ATF6B: variants seen among roughly 807,000 people sequenced by gnomAD.
ATF6B encodes the protein activating transcription factor 6 beta.
A neutral mutation model predicts 83.5 loss-of-function variants in ATF6B; 50 were observed. The observed-to-expected ratio is 0.60, with a 90% CI of 0.48 to 0.76. The LOEUF (loss-of-function observed/expected upper bound fraction) is 0.76. ATF6B is among the 30% of genes least tolerant of loss of function. ATF6B has a pLI of 0.00. For synonymous variants in ATF6B, 344 were observed against 362.8 expected (o/e 0.95, Z 0.59); for missense variants, 790 against 893.8 (o/e 0.88, Z 1.48).
Position 32,126,168 on chromosome 6 carries a change from A to T in ATF6B, c.427T>A (p.Ser143Thr). 1 of 1,614,206 alleles carries T rather than the reference A, an allele frequency of 6.2e-7. No homozygotes were observed. The highest frequency in any genetic ancestry group is 2.2e-5 in the East Asian group (1 of 44,878). Residue 143 changes from serine to threonine, a missense_variant, in exon 5 of 18, where the codon TCA becomes ACA. Ser to Thr is a moderately conservative substitution (Grantham distance 58). This residue lies in a region of ATF6B where 253 missense variants were observed against 243.1 expected (regional missense o/e 1.04). Coordinates refer to ENST00000375203, the MANE Select transcript of ATF6B (RefSeq NM_004381.5). ...LCLLGDDPTS[S>T]FETVQINVIP... Reference sequence around the variant, plus strand: ...ACGTTGATCTGGACGGTTTCAAATGAGGATGTTGGGTCATCTCCCAGGAGA... The same window carrying T: ...ACGTTGATCTGGACGGTTTCAAATGTGGATGTTGGGTCATCTCCCAGGAGA...
chr6:32,117,225 C>A lies in ATF6B; in HGVS notation c.1614+98G>T. ...ACCCTCCACTTCCTTCAAACGATCCCTCAAACTTCCACAGCGAGATGCCCA... is the reference window on the plus strand; with the variant it reads ...ACCCTCCACTTCCTTCAAACGATCCATCAAACTTCCACAGCGAGATGCCCA... On this transcript the variant is annotated intron_variant, in intron 14 of 17. Transcript: ENST00000375203. This position sits in a 1 kb window ranked among gnomAD's most constrained non-coding sequence, Gnocchi z 5.0. The A allele has an allele frequency of 6.5e-7, 1 of 1,541,684 alleles. No individual in the cohort carries two copies.
chr6:32,121,045 G>T lies in ATF6B; in HGVS notation c.644C>A (p.Ala215Asp). The T allele has an allele frequency of 1.3e-6, 2 of 1,555,336 alleles. No homozygotes were observed. Among genetic ancestry groups the T allele is most frequent in the Non-Finnish European group, 1.7e-6 (2 of 1,154,158 alleles). The change falls in exon 7 of 18, where the codon GCC becomes GAC. Residue 215 changes from alanine to aspartate, a missense_variant. Coordinates refer to ENST00000375203, the MANE Select transcript of ATF6B (RefSeq NM_004381.5). The part of the protein sequence containing the change: ...PSGCLLWDVP[A>D]PSLGAVQISM... ...GATCTGGACAGCTCCAAGTGAGGGG[G>T]CTGGGACATCCCACAGGAGGCATCC...
At chr6:32,124,848 T>C (rs144354976) in intron 5 of ATF6B, among the ~76,000 whole-genome samples, 1 of 151,546 alleles carries the variant, frequency 6.6e-6, no homozygotes, top group Non-Finnish European at 1.5e-5. Context: ...TACCCTCTAG[T>C]GATTTTTTTT....
chr6:32,128,211 T>TGCG lies in ATF6B; in HGVS notation c.-5_-4insCGC. On this transcript the variant is annotated 5_prime_UTR_variant, in exon 1 of 18. Transcript: ENST00000375203. ...TGAGCAGCATCAGCTCCGCCATCTT[T>TGCG]CCCCCCCACCCCCCAACCAGGAGAC... is the stretch of plus-strand genomic sequence containing the variant. The TGCG allele has an allele frequency of 6.5e-7, 1 of 1,536,874 alleles. No individual in the cohort carries two copies.
At chr6:32,124,844 C>G (rs937684377) in intron 5 of ATF6B, among the ~76,000 whole-genome samples, 24 of 151,862 alleles carry the variant, frequency 1.6e-4, no homozygotes, top group African/African-American at 5.8e-4. Context: ...ATGGTACCCT[C>G]TAGTGATTTT....
Position 32,119,414 on chromosome 6 carries a change from G to GT in ATF6B, c.967-274dup, listed in dbSNP as rs916353986. Among the ~76,000 whole-genome samples the GT allele has an allele frequency of 6.6e-6, 1 of 152,116 alleles. No homozygotes were observed. Among genetic ancestry groups the GT allele is most frequent in the African/African-American group, 2.4e-5 (1 of 41,420 alleles). On this transcript the variant is annotated intron_variant, in intron 9 of 17. Transcript: ENST00000375203. The surrounding 1 kb of genome is among the most constrained non-coding windows in gnomAD (Gnocchi z 4.9). ...CATGCTGGTGGAAACTCTTTCCTTC[G>GT]TAACTCTTTCTTCCTGTCAGCCCAC...
Position 32,115,707 on chromosome 6 carries a change from C to T in ATF6B, c.*32G>A, listed in dbSNP as rs1781496332. 4.6e-6 allele frequency: 7 copies of T among 1,527,144 alleles called. No individual in the cohort carries two copies. The highest frequency in any genetic ancestry group is 5.3e-6 in the Non-Finnish European group (6 of 1,128,958). The allele number at this position is 1,527,144 out of a possible 1,614,324, so 94.6% of individuals were successfully genotyped here. A position where few individuals can be genotyped will look rare whatever the true frequency, so the allele number is the denominator to read the frequency against. ...CCACCTGGCCACCTGGTACCCCCTC[C>T]CCCCGTTCTAAGTCAGTGTGAATGG... On this transcript the variant is annotated 3_prime_UTR_variant, in exon 18 of 18. Transcript: ENST00000375203.
intron 5 of ATF6B, among the ~76,000 whole-genome samples, chr6:32,123,254 G>C (rs1269468265): frequency 2.1e-5 from 3 of 141,166 alleles, no homozygotes; most frequent in Non-Finnish European, 4.6e-5. Flanking sequence ...AAAAAAAAAA[G>C]GGAACTATTT....
In ATF6B at chr6:32,115,836, G is replaced by C. The variant is rs1781505901; in HGVS notation, c.2015C>G (p.Pro672Arg). 1.1e-5 allele frequency: 18 copies of C among 1,614,162 alleles called. No individual in the cohort carries two copies. Among genetic ancestry groups the C allele is most frequent in the Non-Finnish European group, 1.5e-5 (18 of 1,180,020 alleles). The stretch of plus-strand genomic sequence containing the variant: ...GCCACCTGTGGCATTGCCTGGGGTT[G>C]GGGATGGCTGTTTTCGGAGCGAGGG... Reference protein sequence around the residue: ...VPPSLRKQPSPTPGNATGGPL... With the variant: ...VPPSLRKQPSRTPGNATGGPL... Residue 672 changes from proline to arginine, a missense_variant, in exon 18 of 18, where the codon CCA (proline) becomes CGA (arginine). Physicochemically the swap from Pro to Arg is moderately radical, Grantham distance 103. This residue lies in a region of ATF6B where 530 missense variants were observed against 632.6 expected (regional missense o/e 0.84). Coordinates refer to ENST00000375203, the MANE Select transcript of ATF6B (RefSeq NM_004381.5).
rs760669800 is a variant in ATF6B at position 32,117,098 on chromosome 6, G to A, written c.1624C>T (p.Pro542Ser). The change falls in exon 15 of 18, where the codon CCA (proline) becomes TCA (serine). Residue 542 changes from proline to serine, a missense_variant. Coordinates refer to ENST00000375203, the MANE Select transcript of ATF6B (RefSeq NM_004381.5). The surrounding 1 kb of genome is among the most constrained non-coding windows in gnomAD (Gnocchi z 5.0). ...QRAQERQKSQ[P>S]RKKSPPVKAV... The stretch of plus-strand genomic sequence containing the variant: ...TTAACTGGAGGTGACTTCTTCCGTG[G>A]CTGAGACTTCTGGAAGGAGAAGTAT... The A allele has an allele frequency of 8.1e-6, 13 of 1,614,026 alleles. No homozygotes were observed. The Admixed American group carries it at 2.2e-4, about 27-fold the overall frequency.
At chr6:32,126,316 C>T (rs568249767) in intron 4 of ATF6B, 64 bp from the exon 5 acceptor site, 87 of 1,573,354 alleles carry the variant, frequency 5.5e-5, no homozygotes, top group Non-Finnish European at 7.1e-5. Context: ...GAGATGTTGA[C>T]AGTAAGAGCG....
chr6:32,115,795 C>T lies in ATF6B; in HGVS notation c.2056G>A (p.Ala686Thr). 6.2e-7 allele frequency: 1 copy of T among 1,613,078 alleles called. No individual in the cohort carries two copies. Among genetic ancestry groups the T allele is most frequent in the Non-Finnish European group, 8.5e-7 (1 of 1,179,500 alleles). Residue 686 changes from alanine to threonine, a missense_variant, in exon 18 of 18, where the codon GCA becomes ACA. Around this residue, in one of 3 missense-constraint regions of ATF6B, gnomAD observed 530 missense variants for 632.6 expected, o/e 0.84. Coordinates refer to ENST00000375203, the MANE Select transcript of ATF6B (RefSeq NM_004381.5). ...NATGGPLPVSAASQAHQASHQ... is the reference protein window; with the variant it reads ...NATGGPLPVSTASQAHQASHQ... ...GAGGCCTGGTGGGCCTGGCTGGCTG[C>T]AGAGACTGGCAAGGGGCCACCTGTG...
rs765412136 is a variant in ATF6B, at chr6:32,119,928, T to C, written c.862A>G (p.Ile288Val). ...VSPVVLIQGA[I>V]RVQPEGPAPS... ...GCCGGCCCTTCAGGCTGGACTCGAA[T>C]AGCACCCTGGATGAGGACAACTGGG... The change falls in exon 9 of 18, where the codon ATT becomes GTT. Residue 288 changes from isoleucine (I) to valine (V), a missense_variant. Coordinates refer to ENST00000375203, the MANE Select transcript of ATF6B (RefSeq NM_004381.5). This position sits in a 1 kb window ranked among gnomAD's most constrained non-coding sequence, Gnocchi z 4.9. 3.1e-6 allele frequency: 5 copies of C among 1,614,078 alleles called. No individual in the cohort carries two copies. The highest frequency in any genetic ancestry group is 1.7e-5 in the Admixed American group (1 of 60,016).
chr6:32,127,786 T>A, intron 1 of ATF6B, 36 bp from the exon 2 acceptor site: 2 of 1,606,466 alleles, frequency 1.2e-6, no homozygotes, highest in Non-Finnish European at 1.7e-6. Flanking sequence ...GGTCGTTCGG[T>A]GGCCCCAGCC....
chr6:32,119,800 A>C lies in ATF6B; in HGVS notation c.966+24T>G. The C allele has an allele frequency of 6.2e-7, 1 of 1,611,840 alleles. No homozygotes were observed. The highest frequency in any genetic ancestry group is 1.3e-5 in the African/African-American group (1 of 74,820). Reference sequence around the variant, plus strand: ...CTCTTCCCTTCCCATCACTCGCCCTACTTCTCTCCTCCCCAACACTTACAT... The same window carrying C: ...CTCTTCCCTTCCCATCACTCGCCCTCCTTCTCTCCTCCCCAACACTTACAT... On this transcript the variant is annotated intron_variant, in intron 9 of 17. Coordinates refer to ENST00000375203, the MANE Select transcript of ATF6B (RefSeq NM_004381.5). This position sits in a 1 kb window ranked among gnomAD's most constrained non-coding sequence, Gnocchi z 4.9.
rs760768624 is a variant in ATF6B, at chr6:32,128,181, C to G, written c.27G>C (p.Glu9Asp). 19 of 1,612,590 alleles carry G rather than the reference C, an allele frequency of 1.2e-5. No individual in the cohort carries two copies. The highest frequency in any genetic ancestry group is 1.5e-5 in the Non-Finnish European group (18 of 1,179,830). The part of the protein sequence containing the change: MAELMLLS[E>D]IADPTRFFTD... ...TGAAGAAACGCGTCGGGTCAGCAAT[C>G]TCGCTGAGCAGCATCAGCTCCGCCA... Residue 9 changes from glutamate (E) to aspartate (D), a missense_variant, in exon 1 of 18, where the codon GAG becomes GAC. Around this residue, in one of 3 missense-constraint regions of ATF6B, gnomAD observed 253 missense variants for 243.1 expected, o/e 1.04. Transcript: ENST00000375203.
At chr6:32,124,940 C>T (rs900125546) in intron 5 of ATF6B, among the ~76,000 whole-genome samples, 16 of 151,970 alleles carry the variant, frequency 1.1e-4, no homozygotes, top group South Asian at 2.1e-4. Context: ...CTCCGCCTCC[C>T]GGGTTCATGC....
Position 32,117,811 on chromosome 6 carries a change from C to A in ATF6B, c.1424+48G>T. Reference sequence around the variant, plus strand: ...CCCCTCACTGAAAGCGGGGAGAAGACCAACTCATACCCTCAAACGAGAGGG... The same window carrying A: ...CCCCTCACTGAAAGCGGGGAGAAGAACAACTCATACCCTCAAACGAGAGGG... On this transcript the variant is annotated intron_variant, in intron 12 of 17. Coordinates refer to ENST00000375203, the MANE Select transcript of ATF6B (RefSeq NM_004381.5). The surrounding 1 kb of genome is among the most constrained non-coding windows in gnomAD (Gnocchi z 5.0). 6.4e-7 allele frequency: 1 copy of A among 1,560,958 alleles called. No individual in the cohort carries two copies. Among genetic ancestry groups the A allele is most frequent in the South Asian group, 1.2e-5 (1 of 83,476 alleles).
rs1481762674 is a variant in ATF6B at position 32,117,581 on chromosome 6, C to A, written c.1532+6G>T. On this transcript the variant is annotated splice_donor_region_variant and intron_variant, in intron 13 of 17. Transcript: ENST00000375203. This position sits in a 1 kb window ranked among gnomAD's most constrained non-coding sequence, Gnocchi z 5.0. ...GAGCTGGATGCCCCAGCAATGAATC[C>A]CACACCTCAGGGACTCAGTGCGGTT... is the stretch of plus-strand genomic sequence containing the variant. The A allele has an allele frequency of 6.2e-7, 1 of 1,613,514 alleles. No individual in the cohort carries two copies. The highest frequency in any genetic ancestry group is 8.5e-7 in the Non-Finnish European group (1 of 1,179,650).
Sources: gnomAD v4.1 joint callset for allele counts (sites outside exome capture counted in the v4.1 genomes callset) on GRCh38, gnomAD v4.1.1 for gene constraint, gnomAD v4.1.1 regional missense constraint, Gnocchi (gnomAD v3.1) non-coding constraint, MANE v1.5 for transcripts, NCBI Gene and HGNC (gene_info 2026-07-23, HGNC 2026-07-21) for gene names.